The following POLQ variants were observed in gnomAD, a reference collection of about 807,000 sequenced individuals.
POLQ encodes the protein epididymis secretory sperm binding protein.
POLQ carries 233 observed loss-of-function variants against 259.2 expected under a neutral mutation model. That is an observed-to-expected ratio of 0.90 (90% confidence interval 0.81 to 1.00). The LOEUF (loss-of-function observed/expected upper bound fraction) is 1.00. POLQ is among the 50% of genes least tolerant of loss of function. The pLI is 0.00. For synonymous variants in POLQ, 1,025 were observed against 1,048.8 expected (o/e 0.98, Z 0.44); for missense variants, 2,871 against 3,051.6 (o/e 0.94, Z 1.39).
At position 121,488,989 on chromosome 3, in the gene POLQ, G is replaced by A. The variant is rs2048039241; in HGVS notation, c.3942C>T (p.Val1314=). The A allele has an allele frequency of 5.6e-6, 9 of 1,612,972 alleles. No individual in the cohort carries two copies. Among genetic ancestry groups the A allele is most frequent in the African/African-American group, 1.3e-5 (1 of 74,992 alleles). The change falls in exon 16 of 30, where the codon GTC becomes GTT. Residue 1314 remains valine, a synonymous_variant. Coordinates refer to ENST00000264233, the MANE Select transcript of POLQ (RefSeq NM_199420.4). ...AGAAACTATCTTCAAAATCACAGAGGACTAAACCTAAGTCAGAAACATGAT... is the reference window on the plus strand; with the variant it reads ...AGAAACTATCTTCAAAATCACAGAGAACTAAACCTAAGTCAGAAACATGAT... ...KNNHVSDLGL[V]LCDFEDSFYL...
chr3:121,519,187 AC>A (rs950406082), intron 9 of POLQ, among the ~76,000 whole-genome samples: 2 of 152,036 alleles, frequency 1.3e-5, no homozygotes, highest in Non-Finnish European at 2.9e-5. Context: ...AGTTGAATTA[AC>A]ATCTGTGAAA....
rs773898334 is a variant in POLQ at position 121,490,030 on chromosome 3, A to T, written c.2901T>A (p.Ser967Arg). The T allele has an allele frequency of 1.3e-6, 2 of 1,571,318 alleles. No homozygotes were observed. Among genetic ancestry groups the T allele is most frequent in the East Asian group, 4.5e-5 (2 of 44,714 alleles). Residue 967 changes from serine (S) to arginine (R), a missense_variant, in exon 16 of 30, where the codon AGT becomes AGA. Physicochemically the swap from Ser to Arg is moderately radical, Grantham distance 110. Coordinates refer to ENST00000264233, the MANE Select transcript of POLQ (RefSeq NM_199420.4). ...QDLNKSREHT[S>R]SFNCNFQNGN... ...CATTCTGGAAATTACAATTAAAGGA[A>T]CTTGTATGCTCTCTACTTTTATTTA...
In POLQ at chr3:121,491,376, A is replaced by G. The variant is rs941012569; in HGVS notation, c.2523-968T>C. Reference sequence around the variant, plus strand: ...AAAAAAAAAAAAAAAAAAAAAGACAAGACAAGAAAGAAAACGAATGCTTCT... The same window carrying G: ...AAAAAAAAAAAAAAAAAAAAAGACAGGACAAGAAAGAAAACGAATGCTTCT... On this transcript the variant is annotated intron_variant, in intron 15 of 29. Coordinates refer to ENST00000264233, the MANE Select transcript of POLQ (RefSeq NM_199420.4). Among the ~76,000 whole-genome samples the G allele has an allele frequency of 2.6e-5, 4 of 151,018 alleles. 1 individual carries two copies. The highest frequency in any genetic ancestry group is 9.7e-5 in the African/African-American group (4 of 41,214).
chr3:121,473,300 T>C, intron 21 of POLQ, 50 bp downstream of exon 21: 2 of 1,491,318 alleles, frequency 1.3e-6, no homozygotes, highest in South Asian at 2.7e-5. Flanking sequence ...CACCAAAATG[T>C]TAAAAGTAGT....
At chr3:121,496,035 G>C (rs1040810010) in intron 14 of POLQ, among the ~76,000 whole-genome samples, 1 of 151,870 alleles carries the variant, frequency 6.6e-6, no homozygotes, top group African/African-American at 2.4e-5. Flanking sequence ...AGTAAAATCA[G>C]ACCCAGAATT....
intron 9 of POLQ, among the ~76,000 whole-genome samples, chr3:121,513,522 A>T (rs2048270848): frequency 7.0e-6 from 1 of 142,786 alleles, no homozygotes; most frequent in Non-Finnish European, 1.5e-5. Context: ...GAATCACTTG[A>T]ACCCAGGAGG....
chr3:121,468,274 A>G, intron 23 of POLQ, 31 bp downstream of exon 23: 2 of 1,567,502 alleles, frequency 1.3e-6, no homozygotes, highest in South Asian at 1.2e-5. Context: ...ACAAAAGTTT[A>G]TTAATACAGA....
chr3:121,501,684 A>G (rs1576419036), intron 12 of POLQ, among the ~76,000 whole-genome samples: 1 of 144,274 alleles, frequency 6.9e-6, no homozygotes, highest in Non-Finnish European at 1.5e-5. Context: ...AAAAAAAAAA[A>G]AAAAAGAAAT....
chr3:121,532,675 A>G (rs1325902871), intron 6 of POLQ, among the ~76,000 whole-genome samples: 1 of 151,238 alleles, frequency 6.6e-6, no homozygotes, highest in Non-Finnish European at 1.5e-5. Context: ...CTGGGATTAC[A>G]GGCGCCCACC....
chr3:121,511,983 T>C lies in POLQ; in HGVS notation c.1515A>G (p.Ile505Met). The change falls in exon 10 of 30, where the codon ATA (isoleucine) becomes ATG (methionine). Residue 505 changes from isoleucine to methionine, a missense_variant. Ile to Met is a conservative substitution (Grantham distance 10, BLOSUM62 1). Around this residue, in one of 3 missense-constraint regions of POLQ, gnomAD observed 783 missense variants for 906.2 expected, o/e 0.86. Transcript: ENST00000264233. Reference protein sequence around the residue: ...ICKNSEKSKGIALLQGSLKPV... With the variant: ...ICKNSEKSKGMALLQGSLKPV... The stretch of plus-strand genomic sequence containing the variant: ...GCTTTAGAGAACCCTGAAGGAGAGC[T>C]ATGCCTTTTGATTTCTCAGAGTTCT... The C allele has an allele frequency of 5.0e-6, 8 of 1,613,444 alleles. No homozygotes were observed. The highest frequency in any genetic ancestry group is 6.8e-6 in the Non-Finnish European group (8 of 1,179,406).
At position 121,533,095 on chromosome 3, in the gene POLQ, G is replaced by A. The variant is rs556803867; in HGVS notation, c.855C>T (p.Thr285=). The A allele has an allele frequency of 2.7e-4, 439 of 1,613,818 alleles. 3 individuals are homozygous for A. In the South Asian group the frequency reaches 4.2e-3, roughly 15 times the overall value. Residue 285 remains threonine, a synonymous_variant, in exon 6 of 30, where the codon ACC becomes ACT. Transcript: ENST00000264233. ...ASWLNAELYH[T]DFRPVPLLES... ...CCAAAAGCGGTACAGGGCGAAAGTC[G>A]GTATGGTAGAGTTCAGCATTCAACC...
chr3:121,483,650 A>G, intron 17 of POLQ, 68 bp from the exon 18 acceptor site: 1 of 1,194,668 alleles, frequency 8.4e-7, no homozygotes, highest in South Asian at 1.8e-5. Context: ...CATTTGAAGC[A>G]GCAATCTTTA....
At chr3:121,507,575 A>C (rs1248451209) in intron 12 of POLQ, among the ~76,000 whole-genome samples, 1 of 152,084 alleles carries the variant, frequency 6.6e-6, no homozygotes, top group Non-Finnish European at 1.5e-5. Context: ...AAAAATACAA[A>C]AATTAGCCAG....
At chr3:121,492,801 ATTTTTT>A (rs35516373) in intron 15 of POLQ, among the ~76,000 whole-genome samples, 2 of 124,844 alleles carry the variant, frequency 1.6e-5, no homozygotes, top group African/African-American at 6.1e-5. Context: ...ATGCCCAGCT[ATTTTTT>A]TTTTTTTTTT....
intron 5 of POLQ, among the ~76,000 whole-genome samples, chr3:121,535,502 G>A (rs2048443621): frequency 6.6e-6 from 1 of 152,004 alleles, no homozygotes; most frequent in Non-Finnish European, 1.5e-5. Context: ...GATCACCTGA[G>A]GTCAGGCATT....
In POLQ at chr3:121,493,664, G is replaced by A. The variant is rs1560099173; in HGVS notation, c.2336C>T (p.Ser779Phe). The A allele has an allele frequency of 6.2e-7, 1 of 1,613,960 alleles. No homozygotes were observed. Among genetic ancestry groups the A allele is most frequent in the Non-Finnish European group, 8.5e-7 (1 of 1,179,842 alleles). ...AAACGTAAGACGCTTCTGAAATTGG[G>A]AAAGTAGTAGTTCCATGTTGTGCCA... ...LGWHNMELLLSQFQKRLTFGI... is the reference protein window; with the variant it reads ...LGWHNMELLLFQFQKRLTFGI... Residue 779 changes from serine to phenylalanine, a missense_variant, in exon 15 of 30, where the codon TCC (serine) becomes TTC (phenylalanine). By Grantham distance (155) the Ser-to-Phe change is radical (BLOSUM62 -2). Around this residue, in one of 3 missense-constraint regions of POLQ, gnomAD observed 2,080 missense variants for 2,126.0 expected, o/e 0.98. Coordinates refer to ENST00000264233, the MANE Select transcript of POLQ (RefSeq NM_199420.4).
At position 121,468,366 on chromosome 3, in the gene POLQ, T is replaced by C; in HGVS notation, c.6784A>G (p.Thr2262Ala). 6.2e-7 allele frequency: 1 copy of C among 1,611,806 alleles called. No individual in the cohort carries two copies. The highest frequency in any genetic ancestry group is 1.1e-5 in the South Asian group (1 of 91,008). The change falls in exon 23 of 30, where the codon ACA becomes GCA. Residue 2262 changes from threonine to alanine, a missense_variant. Transcript: ENST00000264233. ...GAAGGTGGGCTTTCTCCTACTAGTG[T>C]TGGCATTTTGATTTCAAAATCTCTT... ...VPRDFEIKMP[T>A]LVGESPPSQA...
Position 121,440,109 on chromosome 3 carries a change from A to G in POLQ, c.7272T>C (p.Asn2424=). 1 of 1,603,278 alleles carries G rather than the reference A, an allele frequency of 6.2e-7. No individual in the cohort carries two copies. The part of the protein sequence containing the change: ...DSFKSRYTGI[N]QFMTETVKNC... ...TCTTCACTGTCTCTGTCATGAATTG[A>G]TTAATCCCTACAAAGAAAATACAGA... The change falls in exon 27 of 30, where the codon AAT becomes AAC. Residue 2424 remains asparagine, a synonymous_variant. Coordinates refer to ENST00000264233, the MANE Select transcript of POLQ (RefSeq NM_199420.4).
At chr3:121,536,756 T>C (rs1252597658) in intron 5 of POLQ, among the ~76,000 whole-genome samples, 7 of 152,150 alleles carry the variant, frequency 4.6e-5, no homozygotes, top group African/African-American at 7.2e-5. Flanking sequence ...GTAATCCTCC[T>C]GCCTCAGCCT....
Sources: gnomAD v4.1 joint callset for allele counts (sites outside exome capture counted in the v4.1 genomes callset) on GRCh38, gnomAD v4.1.1 for gene constraint, gnomAD v4.1.1 regional missense constraint, MANE v1.5 for transcripts, NCBI Gene and HGNC (gene_info 2026-07-23, HGNC 2026-07-21) for gene names.